The following MKLN1 variants were observed in gnomAD, a reference collection of about 807,000 sequenced individuals.
MKLN1 encodes the protein muskelin.
Under a neutral mutation model 99.0 loss-of-function variants are expected in MKLN1, and 18 were observed. The ratio of observed to expected loss-of-function variants is 0.18; its 90% confidence interval spans 0.13 to 0.27. The LOEUF (loss-of-function observed/expected upper bound fraction) is 0.27, where lower values mean the gene tolerates loss of function less well. Among genes scored for constraint, MKLN1 ranks in the 10% least tolerant of loss-of-function variants. The pLI is 1.00. For missense variants in MKLN1, 621 were observed against 875.9 expected, an observed-to-expected ratio of 0.71 and a Z score of 3.67; for synonymous variants, 288 against 293.2, an observed-to-expected ratio of 0.98 and a Z score of 0.18.
chr7:131,463,493 G>GA (rs1187708369), intron 13 of MKLN1, 129 bp downstream of exon 13: 4 of 985,998 alleles, frequency 4.1e-6, no homozygotes, highest in Non-Finnish European at 6.1e-6. Flanking sequence ...GTCAGTATTG[G>GA]AAAAAAATCA....
chr7:131,281,255 C>T (rs953859307), intron 3 of MKLN1, among the ~76,000 whole-genome samples: 4 of 149,558 alleles, frequency 2.7e-5, no homozygotes, highest in Non-Finnish European at 4.4e-5. Context: ...CATTTTTTTA[C>T]AGGTATCCAG....
At chr7:131,378,535 T>C (rs768313867) in intron 2 of MKLN1, among the ~76,000 whole-genome samples, 1 of 152,146 alleles carries the variant, frequency 6.6e-6, no homozygotes, top group Non-Finnish European at 1.5e-5. Context: ...GGATAAAAAA[T>C]AGATATATCC....
chr7:131,426,466 A>T (rs536300777), intron 8 of MKLN1, among the ~76,000 whole-genome samples: 4 of 152,066 alleles, frequency 2.6e-5, no homozygotes, highest in Non-Finnish European at 5.9e-5. Flanking sequence ...CTGTAAAATT[A>T]TGTGTCTGAG....
intron 2 of MKLN1, among the ~76,000 whole-genome samples, chr7:131,183,270 G>T (rs1238842899): frequency 1.3e-5 from 2 of 152,160 alleles, no homozygotes; most frequent in Non-Finnish European, 2.9e-5. Flanking sequence ...CCAACAACCG[G>T]TAAGGTAAGA....
chr7:131,405,264 A>G (rs566676018), intron 6 of MKLN1, among the ~76,000 whole-genome samples: 6 of 151,042 alleles, frequency 4.0e-5, no homozygotes, highest in Non-Finnish European at 7.4e-5. Flanking sequence ...TATCAAGTGC[A>G]CTAGTCTCTT....
chr7:131,399,369 T>C lies in MKLN1; in HGVS notation c.639T>C (p.His213=), dbSNP rs1794461176. The change falls in exon 6 of 18, where the codon CAT becomes CAC. Residue 213 remains histidine (H), a synonymous_variant. Transcript: ENST00000352689. ...ALEHPMLTDI[H]DKLVLKGDFD... is the part of the protein sequence containing the mutation. ...AACATCCCATGTTAACAGATATTCA[T>C]GACAAGCTGGTGTTGAAGGGTGATT... 1 of 1,614,022 alleles carries C rather than the reference T, an allele frequency of 6.2e-7. No homozygotes were observed. Among genetic ancestry groups the C allele is most frequent in the Non-Finnish European group, 8.5e-7 (1 of 1,179,940 alleles).
At chr7:131,299,467 T>C (rs1356799480) in intron 3 of MKLN1, among the ~76,000 whole-genome samples, 1 of 152,192 alleles carries the variant, frequency 6.6e-6, no homozygotes, top group East Asian at 1.9e-4. Flanking sequence ...TTTTTCTCCT[T>C]GGAGAGAGAA....
chr7:131,453,088 C>CT (rs1471675282), intron 12 of MKLN1, among the ~76,000 whole-genome samples: 2 of 152,162 alleles, frequency 1.3e-5, no homozygotes, highest in East Asian at 3.8e-4. Flanking sequence ...GTAATAATAA[C>CT]TTTCCCTGAT....
At chr7:131,254,074 C>T (rs547108906) in intron 3 of MKLN1, among the ~76,000 whole-genome samples, 1 of 152,258 alleles carries the variant, frequency 6.6e-6, no homozygotes, top group South Asian at 2.1e-4. Context: ...GAGCCTAACA[C>T]CTAGGGCTTA....
At chr7:131,294,113 T>A (rs1278225656) in intron 3 of MKLN1, among the ~76,000 whole-genome samples, 1 of 152,142 alleles carries the variant, frequency 6.6e-6, no homozygotes, top group Non-Finnish European at 1.5e-5. Flanking sequence ...TGTATGGACC[T>A]TGTTAATATC....
rs1000115588 is a variant in MKLN1 at position 131,478,853 on chromosome 7, T to A, written c.2086+176T>A. ...CCTGCTACAAGGTTGCTTTGAGGTATCATTTTGCAGTTCAGTTTGCAATGA... is the reference window on the plus strand; with the variant it reads ...CCTGCTACAAGGTTGCTTTGAGGTAACATTTTGCAGTTCAGTTTGCAATGA... On this transcript the variant is annotated intron_variant, in intron 17 of 17. Transcript: ENST00000352689. 12 of 739,104 alleles carry A rather than the reference T, an allele frequency of 1.6e-5. No individual in the cohort carries two copies. The African/African-American group carries it at 2.1e-4, about 13-fold the overall frequency. The allele number at this position is 739,104 out of a possible 1,614,324, so 45.8% of individuals were successfully genotyped here. A position where few individuals can be genotyped will look rare whatever the true frequency, so the allele number is the denominator to read the frequency against.
chr7:131,127,529 G>C (rs1446522591), intron 1 of MKLN1, among the ~76,000 whole-genome samples: 1 of 152,232 alleles, frequency 6.6e-6, no homozygotes, highest in Non-Finnish European at 1.5e-5. Flanking sequence ...TGTCACAGAA[G>C]AGGATGGAAT....
chr7:131,300,675 G>A (rs1432267697), intron 3 of MKLN1, among the ~76,000 whole-genome samples: 4 of 135,970 alleles, frequency 2.9e-5, no homozygotes, highest in African/African-American at 1.1e-4. Context: ...GTGACACAGT[G>A]AGACCCTGTC....
At chr7:131,416,143 A>G (rs1795009927) in intron 8 of MKLN1, among the ~76,000 whole-genome samples, 1 of 152,184 alleles carries the variant, frequency 6.6e-6, no homozygotes, top group Non-Finnish European at 1.5e-5. Flanking sequence ...TAATATACTA[A>G]ATCTATGTTT....
chr7:131,276,937 TC>T (rs1472722019), intron 3 of MKLN1, among the ~76,000 whole-genome samples: 12 of 152,154 alleles, frequency 7.9e-5, no homozygotes, highest in Non-Finnish European at 1.8e-4. Context: ...ATGACCTGCT[TC>T]CACACAGCAG....
At chr7:131,189,514 T>G (rs1796502450) in intron 2 of MKLN1, among the ~76,000 whole-genome samples, 1 of 127,438 alleles carries the variant, frequency 7.8e-6, no homozygotes, top group Non-Finnish European at 1.6e-5. Context: ...CCCCTAGAAG[T>G]TTTTTATATT....
chr7:131,346,927 T>G (rs1799579982), intron 1 of MKLN1, among the ~76,000 whole-genome samples: 1 of 152,108 alleles, frequency 6.6e-6, no homozygotes, highest in Non-Finnish European at 1.5e-5. Flanking sequence ...ATAAGGAAAA[T>G]ATTAATGAAA....
intron 4 of MKLN1, among the ~76,000 whole-genome samples, chr7:131,390,170 G>T (rs1794156981): frequency 6.6e-6 from 1 of 152,084 alleles, no homozygotes; most frequent in African/African-American, 2.4e-5. Flanking sequence ...CTTATATACA[G>T]AAACTGTTTT....
rs922806061 is a variant in MKLN1 at position 131,321,790 on chromosome 7, G to A, written c.-178-53634G>A. ...TGCATGGGGCATCTCCAAAGGAGGT[G>A]CAACACAGTCCTCACAAGATCAAGA... On this transcript the variant is annotated intron_variant, in intron 3 of 7. Coordinates refer to the MKLN1 transcript ENST00000416992. Among the ~76,000 whole-genome samples, 5 of 152,184 alleles carry A rather than the reference G, an allele frequency of 3.3e-5. No homozygotes were observed. The East Asian group carries it at 7.7e-4, about 23-fold the overall frequency.
Sources: allele counts gnomAD v4.1 joint callset (sites outside exome capture counted in the v4.1 genomes callset), GRCh38; gene constraint gnomAD v4.1.1; transcripts MANE v1.5; gene names NCBI Gene and HGNC (gene_info 2026-07-23, HGNC 2026-07-21).